FRMPD4: variants seen among roughly 807,000 people sequenced by gnomAD.
FRMPD4 encodes FERM and PDZ domain containing 4, also known as FERM and PDZ domain-containing protein 4.
Under a neutral mutation model 94.1 loss-of-function variants are expected in FRMPD4, and 22 were observed. The ratio of observed to expected loss-of-function variants is 0.23; its 90% CI spans 0.17 to 0.33. The LOEUF is 0.33. FRMPD4 is among the 10% of genes least tolerant of loss of function. FRMPD4 has a pLI of 1.00. For missense variants in FRMPD4, 1,111 were observed against 1,339.9 expected (o/e 0.83, Z 2.67); for synonymous variants, 631 against 548.6 (o/e 1.15, Z -2.10).
intron 1 of FRMPD4, among the ~76,000 whole-genome samples, chrX:11,855,804 C>T (rs2147293777): frequency 8.9e-6 from 1 of 111,932 alleles, no homozygotes; most frequent in South Asian, 3.8e-4. Flanking sequence ...CAAACTTTCC[C>T]ACATTTTCCT....
intron 1 of FRMPD4, among the ~76,000 whole-genome samples, chrX:12,413,744 A>G (rs760334158): frequency 1.8e-5 from 2 of 112,108 alleles, no homozygotes; most frequent in Non-Finnish European, 3.8e-5. Flanking sequence ...TTCCTGGAAC[A>G]TTGTGGGGCA....
At chrX:12,352,035 C>T (rs1352266554) in intron 1 of FRMPD4, among the ~76,000 whole-genome samples, 2 of 111,570 alleles carry the variant, frequency 1.8e-5, no homozygotes, top group African/African-American at 6.5e-5. Context: ...ATTGTTGAGC[C>T]AAAAGGTATT....
chrX:12,092,115 G>T (rs1290510283), intron 3 of FRMPD4, among the ~76,000 whole-genome samples: 1 of 111,591 alleles, frequency 9.0e-6, no homozygotes, highest in Non-Finnish European at 1.9e-5. Context: ...AGGAATATAA[G>T]TGCCTACATC....
chrX:12,231,142 C>T (rs994429254), intron 1 of FRMPD4, among the ~76,000 whole-genome samples: 4 of 89,431 alleles, frequency 4.5e-5, no homozygotes, highest in South Asian at 1.1e-3. Context: ...CTCGACCTGC[C>T]GGGCCCAAGC....
At chrX:11,831,805 G>T (rs1263151193) in intron 1 of FRMPD4, among the ~76,000 whole-genome samples, 1 of 111,902 alleles carries the variant, frequency 8.9e-6, no homozygotes, top group African/African-American at 3.2e-5. Flanking sequence ...GGAATACCAA[G>T]AGAAATAAGG....
intron 1 of FRMPD4, among the ~76,000 whole-genome samples, chrX:12,435,925 G>C (rs1296822063): frequency 1.8e-5 from 2 of 111,543 alleles, no homozygotes; most frequent in Non-Finnish European, 3.8e-5. Context: ...AAATTTCCCA[G>C]ATTTTAAATT....
At chrX:11,949,208 A>G (rs1353164994) in intron 3 of FRMPD4, among the ~76,000 whole-genome samples, 1 of 111,994 alleles carries the variant, frequency 8.9e-6, no homozygotes, top group Non-Finnish European at 1.9e-5. Flanking sequence ...AATGCCACTG[A>G]GTAACATTGG....
intron 1 of FRMPD4, among the ~76,000 whole-genome samples, chrX:12,279,151 A>G (rs1028574817): frequency 1.8e-5 from 2 of 112,940 alleles, no homozygotes; most frequent in Non-Finnish European, 3.7e-5. Context: ...TGCCCTTTCT[A>G]GCATTGCTTA....
chrX:12,131,636 G>GA (rs937421594), intron 3 of FRMPD4, among the ~76,000 whole-genome samples: 47 of 108,614 alleles, frequency 4.3e-4, no homozygotes, highest in African/African-American at 1.0e-3. Context: ...AAATATGAGA[G>GA]AAAAAAAAAC....
At chrX:11,867,203 A>T (rs2053725521) in intron 2 of FRMPD4, among the ~76,000 whole-genome samples, 1 of 111,599 alleles carries the variant, frequency 9.0e-6, no homozygotes, top group African/African-American at 3.3e-5. Flanking sequence ...AACACTTTTG[A>T]AAGTGTTGAA....
chrX:12,680,752 G>T (rs190586025), intron 5 of FRMPD4, among the ~76,000 whole-genome samples: 3 of 111,165 alleles, frequency 2.7e-5, no homozygotes, highest in Non-Finnish European at 5.7e-5. Context: ...TTATTGCATC[G>T]TAAATAAATA....
intron 1 of FRMPD4, among the ~76,000 whole-genome samples, chrX:12,345,380 A>T (rs2055690243): frequency 9.0e-6 from 1 of 111,620 alleles, no homozygotes; most frequent in Non-Finnish European, 1.9e-5. Context: ...CTATTTTAGC[A>T]TCAGTTTAAG....
intron 1 of FRMPD4, among the ~76,000 whole-genome samples, chrX:11,845,543 T>C (rs2053570043): frequency 9.3e-6 from 1 of 108,030 alleles, no homozygotes. Flanking sequence ...GCCAGCATCA[T>C]CCTGATACCA....
chrX:12,607,559 A>G (rs1033794480), intron 2 of FRMPD4, among the ~76,000 whole-genome samples: 13 of 112,132 alleles, frequency 1.2e-4, no homozygotes, highest in African/African-American at 4.2e-4. Context: ...AATGTGCCCC[A>G]CACTTCAAAT....
chrX:12,001,847 A>G, intron 3 of FRMPD4, among the ~76,000 whole-genome samples: 1 of 112,083 alleles, frequency 8.9e-6, no homozygotes, highest in South Asian at 3.7e-4. Flanking sequence ...TTTTCCAGAG[A>G]TTATTGGTTT....
At chrX:12,345,215 T>G (rs1453170389) in intron 1 of FRMPD4, among the ~76,000 whole-genome samples, 1 of 109,285 alleles carries the variant, frequency 9.2e-6, no homozygotes, top group African/African-American at 3.3e-5. Context: ...GGTGGGTGGA[T>G]GGATGGATGG....
intron 3 of FRMPD4, among the ~76,000 whole-genome samples, chrX:11,997,217 G>C (rs1353603825): frequency 9.0e-6 from 1 of 110,967 alleles, no homozygotes; most frequent in Non-Finnish European, 1.9e-5. Context: ...AAGAAAAATG[G>C]TTTAGACGTA....
Position 12,325,082 on chromosome X carries a change from C to T in FRMPD4, c.42-173598C>T, listed in dbSNP as rs777505715. 3.0e-4 allele frequency among the ~76,000 whole-genome samples: 34 copies of T among 112,151 alleles called. 1 individual carries two copies. The highest frequency in any genetic ancestry group is 1.1e-3 in the African/African-American group (34 of 30,996). On this transcript the variant is annotated intron_variant, in intron 1 of 16. Transcript: ENST00000675598. ...AAAGAGGAAAGTATTTTAAATGAAC[C>T]CAACCTGTTTTCCTTTATTCTTGAA...
intron 1 of FRMPD4, among the ~76,000 whole-genome samples, chrX:12,246,245 T>C (rs1479520981): frequency 2.7e-5 from 3 of 112,100 alleles, no homozygotes; most frequent in Admixed American, 9.4e-5. Flanking sequence ...AAGTTTTGGT[T>C]CACATTGCAT....
Sources: allele counts gnomAD v4.1 joint callset (sites outside exome capture counted in the v4.1 genomes callset), GRCh38; gene constraint gnomAD v4.1.1; transcripts MANE v1.5; gene names NCBI Gene and HGNC (gene_info 2026-07-23, HGNC 2026-07-21).